TFRC: variants seen among roughly 807,000 people sequenced by gnomAD.
TFRC encodes transferrin receptor, also known as transferrin receptor protein 1.
A neutral mutation model predicts 85.8 loss-of-function variants in TFRC; 35 were observed. The ratio of observed to expected loss-of-function variants is 0.41; its 90% CI spans 0.31 to 0.54. The LOEUF (loss-of-function observed/expected upper bound fraction) is 0.54. Among genes scored for constraint, TFRC ranks in the 20% least tolerant of loss-of-function variants. TFRC has a pLI of 0.31. For synonymous variants in TFRC, 362 were observed against 328.6 expected (o/e 1.10, Z -1.10); for missense variants, 828 against 921.5 (o/e 0.90, Z 1.31).
chr3:196,058,032 C>T, intron 16 of TFRC: 1 of 294,496 alleles, frequency 3.4e-6, no homozygotes, highest in South Asian at 8.4e-5. Flanking sequence ...AGAAAATCTG[C>T]CTAGCAACTG....
At chr3:196,071,894 A>C in intron 5 of TFRC, 109 bp downstream of exon 5, 3 of 1,216,300 alleles carry the variant, frequency 2.5e-6, no homozygotes, top group Non-Finnish European at 2.3e-6. Context: ...ACAGAGCGAG[A>C]CTCCATTTCA....
chr3:196,055,015 A>G (rs1560066785), intron 17 of TFRC, 65 bp downstream of exon 17: 3 of 1,471,574 alleles, frequency 2.0e-6, no homozygotes, highest in Non-Finnish European at 2.8e-6. Context: ...ACACACAGGA[A>G]CACATCACAT....
chr3:196,075,394 G>A, intron 2 of TFRC, 34 bp from the exon 3 acceptor site: 3 of 1,606,096 alleles, frequency 1.9e-6, no homozygotes, highest in Non-Finnish European at 1.7e-6. Flanking sequence ...TGAAGAACAG[G>A]CACGGGAATG....
intron 9 of TFRC, 106 bp from the exon 10 acceptor site, chr3:196,065,706 T>G (rs1211267994): frequency 1.5e-6 from 2 of 1,311,406 alleles, no homozygotes; most frequent in East Asian, 5.3e-5. Flanking sequence ...CAAAACTTAC[T>G]CTCAGCCCGG....
At position 196,058,554 on chromosome 3, in the gene TFRC, A is replaced by G; in HGVS notation, c.1595+20T>C. On this transcript the variant is annotated intron_variant, in intron 15 of 18. Transcript: ENST00000360110. ...TCTCTGCTTTTCTATTAGTTTGTTC[A>G]TTCACTTTTCTCAACTTACACTTTG... is the stretch of plus-strand genomic sequence containing the variant. 6.2e-7 allele frequency: 1 copy of G among 1,605,874 alleles called. No homozygotes were observed. Among genetic ancestry groups the G allele is most frequent in the Middle Eastern group, 1.7e-4 (1 of 6,022 alleles).
intron 1 of TFRC, among the ~76,000 whole-genome samples, chr3:196,081,342 G>C (rs1389560000): frequency 3.3e-5 from 5 of 152,252 alleles, no homozygotes; most frequent in Non-Finnish European, 7.3e-5. Context: ...AGCATGGCAA[G>C]ATCAGGTTGT....
chr3:196,064,918 T>C (rs1222588128), intron 10 of TFRC, among the ~76,000 whole-genome samples: 1 of 152,198 alleles, frequency 6.6e-6, no homozygotes, highest in African/African-American at 2.4e-5. Flanking sequence ...GTCATAATGG[T>C]CAATTTTTAA....
At chr3:196,077,202 T>C in intron 1 of TFRC, 80 bp from the exon 2 acceptor site, 2 of 967,498 alleles carry the variant, frequency 2.1e-6, no homozygotes, top group South Asian at 3.2e-5. Context: ...GGCTAAATGA[T>C]ACATTAAATT....
At chr3:196,073,364 T>C (rs1224949007) in intron 4 of TFRC, among the ~76,000 whole-genome samples, 1 of 149,766 alleles carries the variant, frequency 6.7e-6, no homozygotes, top group Admixed American at 6.7e-5. Context: ...GAGGCTATGG[T>C]AGGGGGATGA....
Position 196,074,020 on chromosome 3 carries a change from TC to T in TFRC, c.343del (p.Asp115ThrfsTer13). The T allele has an allele frequency of 6.2e-7, 1 of 1,614,168 alleles. No individual in the cohort carries two copies. The highest frequency in any genetic ancestry group is 8.5e-7 in the Non-Finnish European group (1 of 1,180,024). Reference protein sequence around the residue: ...ESPVREEPGEDFPAARRLYWD... With the variant: ...ESPVREEPGEXFPAARRLYWD... The stretch of plus-strand genomic sequence containing the variant: ...ATATAAGCGACGTGCTGCAGGGAAG[TC>T]CTCTCCTGGCTCCTCCCTCACTGGA... On this transcript the variant is annotated frameshift_variant, in exon 4 of 19. Coordinates refer to ENST00000360110, the MANE Select transcript of TFRC (RefSeq NM_001128148.3). LOFTEE classifies it high-confidence loss of function.
In TFRC at chr3:196,071,449, G is replaced by A. The variant is rs41301381; in HGVS notation, c.634C>T (p.Leu212=). Residue 212 remains leucine, a synonymous_variant, in exon 6 of 19, where the codon CTG becomes TTG. Transcript: ENST00000360110. The part of the protein sequence containing the change: ...IVDKNGRLVY[L]VENPGGYVAY... ...ACATAACCCCCAGGATTCTCCACCA[G>A]GTAAACAAGTCTACCGTTCTTATCA... 1.1e-5 allele frequency: 17 copies of A among 1,614,032 alleles called. No homozygotes were observed. The South Asian group carries it at 1.3e-4, about 13-fold the overall frequency.
Position 196,050,340 on chromosome 3 carries a change from C to T in TFRC, c.*1602G>A, listed in dbSNP as rs17788379. 0.083 allele frequency: 17,980 copies of T among 217,832 alleles called. 881 individuals are homozygous for T. The highest frequency in any genetic ancestry group is 0.13 in the South Asian group (707 of 5,368). 13.5% of individuals were successfully genotyped at this position (217,832 alleles called of 1,614,324 possible). On this transcript the variant is annotated 3_prime_UTR_variant, in exon 19 of 19. Transcript: ENST00000360110. ...TTTTACAGTGGTTGAATTTACCCAC[C>T]CAATGCTTAATGACCACAAAATGTT...
chr3:196,075,474 G>T, intron 2 of TFRC, 114 bp from the exon 3 acceptor site: 1 of 1,010,746 alleles, frequency 9.9e-7, no homozygotes, highest in South Asian at 1.5e-5. Context: ...ATATTCCTTA[G>T]GGTGTTCTCC....
intron 13 of TFRC, among the ~76,000 whole-genome samples, chr3:196,061,354 T>C (rs1306724130): frequency 1.3e-5 from 2 of 152,246 alleles, no homozygotes; most frequent in Non-Finnish European, 2.9e-5. Context: ...CCTAAAACTT[T>C]AGTCCATCAG....
intron 16 of TFRC, chr3:196,055,698 A>T: frequency 3.6e-6 from 1 of 277,240 alleles, no homozygotes; most frequent in Non-Finnish European, 7.0e-6. Flanking sequence ...GCTAGAGTGC[A>T]GTGATGCAAT....
chr3:196,058,940 G>A (rs1299031962), intron 14 of TFRC: 1 of 175,080 alleles, frequency 5.7e-6, no homozygotes, highest in Non-Finnish European at 1.2e-5. Flanking sequence ...GCCGAGCTGG[G>A]AGGATCACTT....
chr3:196,055,217 G>A lies in TFRC; in HGVS notation c.1762C>T (p.Arg588Ter). ...TGACCAGCGACCTCTGCAGCTGCTC[G>A]TGCCACTTTGTTCAACTCAGGAATC... Reference protein sequence around the residue: ...ERIPELNKVARAAAEVAGQFV... With the variant: ...ERIPELNKVA Residue 588 changes from arginine (R) to a stop codon, truncating the protein, a stop_gained, in exon 17 of 19, where the codon CGA becomes TGA. Transcript: ENST00000360110. LOFTEE classifies it high-confidence loss of function. The A allele has an allele frequency of 6.2e-7, 1 of 1,614,144 alleles. No individual in the cohort carries two copies. Among genetic ancestry groups the A allele is most frequent in the Non-Finnish European group, 8.5e-7 (1 of 1,180,024 alleles).
At chr3:196,063,683 G>A (rs982237952) in intron 11 of TFRC, among the ~76,000 whole-genome samples, 2 of 152,194 alleles carry the variant, frequency 1.3e-5, no homozygotes, top group African/African-American at 4.8e-5. Flanking sequence ...AGCATTTTGG[G>A]AGGCTGAGGC....
chr3:196,062,113 G>T (rs980857143), intron 13 of TFRC, among the ~76,000 whole-genome samples: 1 of 151,996 alleles, frequency 6.6e-6, no homozygotes, highest in African/African-American at 2.4e-5. Context: ...AATTAGCCAG[G>T]TGGCTGAAGT....
Sources: gnomAD v4.1 joint callset for allele counts (sites outside exome capture counted in the v4.1 genomes callset) on GRCh38, gnomAD v4.1.1 for gene constraint, MANE v1.5 for transcripts, NCBI Gene and HGNC (gene_info 2026-07-23, HGNC 2026-07-21) for gene names.